TSPAN12: variants seen among roughly 807,000 people sequenced by gnomAD.
TSPAN12 encodes the protein tetraspanin-12.
In TSPAN12, 19 loss-of-function variants were observed where a neutral mutation model predicts 39.2. The observed-to-expected ratio is 0.49, with a 90% confidence interval of 0.34 to 0.71. TSPAN12 has a LOEUF of 0.71. TSPAN12 is among the 30% of genes least tolerant of loss of function. The pLI, the probability that TSPAN12 is intolerant of heterozygous loss-of-function variation, is 0.01. For synonymous variants in TSPAN12, 119 were observed against 124.8 expected (o/e 0.95, Z 0.31); for missense variants, 314 against 359.9 (o/e 0.87, Z 1.03).
At chr7:120,826,489 T>C (rs1193199078) in intron 4 of TSPAN12, among the ~76,000 whole-genome samples, 2 of 152,144 alleles carry the variant, frequency 1.3e-5, no homozygotes, top group Admixed American at 6.5e-5. Flanking sequence ...AGGGTATCTA[T>C]ACAGATTATT....
intron 4 of TSPAN12, among the ~76,000 whole-genome samples, chr7:120,822,447 A>C (rs1794205778): frequency 2.6e-5 from 4 of 152,214 alleles, no homozygotes; most frequent in Middle Eastern, 6.8e-3. Context: ...AAAAGGCATA[A>C]TCCCAGGGAA....
intron 4 of TSPAN12, among the ~76,000 whole-genome samples, chr7:120,837,949 G>A (rs1289707495): frequency 6.6e-6 from 1 of 152,106 alleles, no homozygotes; most frequent in Non-Finnish European, 1.5e-5. Context: ...TCTGCCCAGT[G>A]ATCCAGCTTA....
At position 120,856,730 on chromosome 7, in the gene TSPAN12, A is replaced by G. The variant is rs1794877641; in HGVS notation, c.34T>C (p.Cys12Arg). The change falls in exon 2 of 8, where the codon TGC (cysteine) becomes CGC (arginine). Residue 12 changes from cysteine (C) to arginine (R), a missense_variant. By Grantham distance (180) the Cys-to-Arg change is radical. Coordinates refer to ENST00000222747, the MANE Select transcript of TSPAN12 (RefSeq NM_012338.4). Reference sequence around the variant, plus strand: ...AGCAGATTGAGGGCGTAGAGCAGGCAGCGCAGACACTTCACGGAATCTTCT... The same window carrying G: ...AGCAGATTGAGGGCGTAGAGCAGGCGGCGCAGACACTTCACGGAATCTTCT... ...AREDSVKCLRCLLYALNLLFW... is the reference protein window; with the variant it reads ...AREDSVKCLRRLLYALNLLFW... 1 of 1,614,106 alleles carries G rather than the reference A, an allele frequency of 6.2e-7. No individual in the cohort carries two copies. The highest frequency in any genetic ancestry group is 1.3e-5 in the African/African-American group (1 of 74,948).
At chr7:120,791,380 T>C (rs1040827013) in intron 7 of TSPAN12, among the ~76,000 whole-genome samples, 7 of 151,862 alleles carry the variant, frequency 4.6e-5, no homozygotes, top group African/African-American at 1.7e-4. Context: ...AAATTTCAGT[T>C]AGGAGGAATA....
intron 4 of TSPAN12, among the ~76,000 whole-genome samples, chr7:120,828,217 C>G (rs1056607632): frequency 6.6e-6 from 1 of 152,066 alleles, no homozygotes; most frequent in African/African-American, 2.4e-5. Flanking sequence ...GTAACAAGAC[C>G]AGGTATCCAT....
intron 4 of TSPAN12, among the ~76,000 whole-genome samples, chr7:120,819,151 A>G (rs1794139803): frequency 1.3e-5 from 2 of 152,116 alleles, no homozygotes; most frequent in Non-Finnish European, 2.9e-5. Context: ...TCTGGCTACA[A>G]TGAAAACCAA....
At chr7:120,792,605 G>A (rs554550711) in intron 7 of TSPAN12, among the ~76,000 whole-genome samples, 12 of 152,256 alleles carry the variant, frequency 7.9e-5, no homozygotes, top group African/African-American at 2.2e-4. Context: ...GGTAAAGGCC[G>A]GGAGACTCAC....
intron 4 of TSPAN12, among the ~76,000 whole-genome samples, chr7:120,822,926 T>C (rs1794215183): frequency 6.6e-6 from 1 of 152,098 alleles, no homozygotes; most frequent in Non-Finnish European, 1.5e-5. Context: ...CAAACCAAAT[T>C]AGCAGTGGAC....
chr7:120,829,636 T>A (rs6466759), intron 4 of TSPAN12, among the ~76,000 whole-genome samples: 59,412 of 151,970 alleles, frequency 0.39, 14,009 homozygotes, highest in African/African-American at 0.67. Flanking sequence ...TGCTGAACTC[T>A]CCTCAAGGAA....
intron 2 of TSPAN12, among the ~76,000 whole-genome samples, chr7:120,852,481 C>T (rs1794787938): frequency 6.6e-6 from 1 of 152,208 alleles, no homozygotes; most frequent in East Asian, 1.9e-4. Context: ...GTATTAAAGC[C>T]TTGCTCCTCA....
intron 7 of TSPAN12, among the ~76,000 whole-genome samples, chr7:120,799,449 A>C (rs1793697091): frequency 7.3e-6 from 1 of 136,816 alleles, no homozygotes. Context: ...AATTTAATTT[A>C]TATATAATTT....
At chr7:120,798,366 G>T (rs1793673936) in intron 7 of TSPAN12, among the ~76,000 whole-genome samples, 1 of 152,182 alleles carries the variant, frequency 6.6e-6, no homozygotes. Context: ...AGATAATGAA[G>T]TCAGTAGAGA....
intron 4 of TSPAN12, among the ~76,000 whole-genome samples, chr7:120,838,030 T>TA (rs1022175963): frequency 3.9e-5 from 6 of 152,098 alleles, no homozygotes; most frequent in Non-Finnish European, 7.4e-5. Flanking sequence ...AGACCTACTA[T>TA]AAAAAAAGCG....
At chr7:120,854,865 G>A (rs1794841295) in intron 2 of TSPAN12, among the ~76,000 whole-genome samples, 1 of 152,190 alleles carries the variant, frequency 6.6e-6, no homozygotes, top group East Asian at 1.9e-4. Context: ...GAGGAGGGCT[G>A]GAGAAATAGG....
chr7:120,809,440 C>G (rs1432506073), intron 6 of TSPAN12, among the ~76,000 whole-genome samples: 1 of 152,078 alleles, frequency 6.6e-6, no homozygotes, highest in Non-Finnish European at 1.5e-5. Flanking sequence ...CTTAAATAAA[C>G]AGGAAATCTG....
chr7:120,835,308 G>A (rs1471637864), intron 4 of TSPAN12, among the ~76,000 whole-genome samples: 4 of 152,132 alleles, frequency 2.6e-5, no homozygotes, highest in East Asian at 1.9e-4. Flanking sequence ...CCTTATTGCC[G>A]AATGACTTGT....
chr7:120,838,326 G>A (rs1293249825), intron 4 of TSPAN12, among the ~76,000 whole-genome samples: 1 of 152,140 alleles, frequency 6.6e-6, no homozygotes, highest in East Asian at 1.9e-4. Context: ...ACTGAGACTC[G>A]CTTATGTTCT....
intron 2 of TSPAN12, among the ~76,000 whole-genome samples, chr7:120,852,855 AAGAG>A (rs576773917): frequency 3.7e-4 from 55 of 150,080 alleles, no homozygotes; most frequent in East Asian, 1.2e-3. Flanking sequence ...ATCTAAAAAA[AAGAG>A]AGAGAGAGAG....
chr7:120,787,643 A>C lies in TSPAN12; in HGVS notation c.*949T>G, dbSNP rs1793434430. The C allele has an allele frequency of 6.6e-6, 1 of 152,248 alleles. No individual in the cohort carries two copies. Among genetic ancestry groups the C allele is most frequent in the South Asian group, 2.1e-4 (1 of 4,824 alleles). 9.4% of individuals were successfully genotyped at this position (152,248 alleles called of 1,614,324 possible). On this transcript the variant is annotated 3_prime_UTR_variant, in exon 8 of 8. Transcript: ENST00000222747. ...GGAGAAGGCAAAGATAAGCTTTTTA[A>C]AAAGTGTTTAGTGTCAAAAAGAGTC...
Sources: gnomAD v4.1 joint callset for allele counts (sites outside exome capture counted in the v4.1 genomes callset) on GRCh38, gnomAD v4.1.1 for gene constraint, MANE v1.5 for transcripts, NCBI Gene and HGNC (gene_info 2026-07-23, HGNC 2026-07-21) for gene names.